CAMTA1: variants seen among roughly 807,000 people sequenced by gnomAD.
CAMTA1 encodes calmodulin binding transcription activator 1, also known as calmodulin-binding transcription activator 1.
In CAMTA1, 27 loss-of-function variants were observed where a neutral mutation model predicts 170.9. The observed-to-expected ratio is 0.16, with a 90% CI of 0.12 to 0.22. CAMTA1 has a LOEUF of 0.22. Among genes scored for constraint, CAMTA1 ranks in the 10% least tolerant of loss-of-function variants. The pLI is 1.00. For synonymous variants in CAMTA1, 833 were observed against 891.5 expected, an observed-to-expected ratio of 0.93 and a Z score of 1.17; for missense variants, 1,619 against 2,217.2, an observed-to-expected ratio of 0.73 and a Z score of 5.42.
intron 3 of CAMTA1, among the ~76,000 whole-genome samples, chr1:7,066,513 C>T (rs577473311): frequency 5.8e-4 from 88 of 152,360 alleles, no homozygotes; most frequent in African/African-American, 1.8e-3. Flanking sequence ...CTTACATTTT[C>T]GACACAGAGC....
chr1:7,678,686 G>A lies in CAMTA1; in HGVS notation c.2914+953G>A, dbSNP rs182451744. ...TGCCTGTCCATAACCTCAGTATCAG[G>A]TGAGCCCACAGAGGTGACACTCCAT... On this transcript the variant is annotated intron_variant, in intron 11 of 22. Coordinates refer to ENST00000303635, the MANE Select transcript of CAMTA1 (RefSeq NM_015215.4). Among the ~76,000 whole-genome samples, 608 of 152,312 alleles carry A rather than the reference G, an allele frequency of 4.0e-3. 3 individuals carry two copies. Among genetic ancestry groups the A allele is most frequent in the Middle Eastern group, 6.8e-3 (2 of 294 alleles).
intron 6 of CAMTA1, among the ~76,000 whole-genome samples, chr1:7,559,841 CA>C (rs1406921977): frequency 6.6e-6 from 1 of 152,176 alleles, no homozygotes; most frequent in Non-Finnish European, 1.5e-5. Flanking sequence ...TCTGGGAGGC[CA>C]GGGGAGGGGG....
intron 3 of CAMTA1, among the ~76,000 whole-genome samples, chr1:6,944,541 C>T (rs556344883): frequency 6.6e-6 from 1 of 152,258 alleles, no homozygotes; most frequent in South Asian, 2.1e-4. Context: ...AGGCTGCTCT[C>T]CTGTCCCCTC....
intron 5 of CAMTA1, among the ~76,000 whole-genome samples, chr1:7,271,625 A>C (rs1669828442): frequency 6.8e-6 from 1 of 146,718 alleles, no homozygotes; most frequent in Admixed American, 6.7e-5. Context: ...CAATACCCCC[A>C]AAACTGAGAA....
chr1:7,498,126 C>T (rs889384032), intron 6 of CAMTA1, among the ~76,000 whole-genome samples: 1 of 152,024 alleles, frequency 6.6e-6, no homozygotes. Context: ...GTCCCCTGCT[C>T]ACTAGTATGA....
chr1:7,034,192 C>T (rs1209375637), intron 3 of CAMTA1, among the ~76,000 whole-genome samples: 2 of 152,124 alleles, frequency 1.3e-5, no homozygotes, highest in East Asian at 3.9e-4. Flanking sequence ...GAGTCTCGCT[C>T]TGTTGCCCAG....
chr1:7,526,918 C>T (rs116689543), intron 6 of CAMTA1, among the ~76,000 whole-genome samples: 1 of 152,180 alleles, frequency 6.6e-6, no homozygotes, highest in African/African-American at 2.4e-5. Context: ...CATTAAGCTA[C>T]GTTATTCCTT....
chr1:7,248,448 G>C lies in CAMTA1; in HGVS notation c.303-1043G>C, dbSNP rs1400002909. Among the ~76,000 whole-genome samples, 1 of 152,226 alleles carries C rather than the reference G, an allele frequency of 6.6e-6. No homozygotes were observed. Among genetic ancestry groups the C allele is most frequent in the Non-Finnish European group, 1.5e-5 (1 of 68,028 alleles). Reference sequence around the variant, plus strand: ...GGCCTCGTGGTGCGCAGAATCGCTGGCATTCCTCTTCCCCTGCTGCACGTT... The same window carrying C: ...GGCCTCGTGGTGCGCAGAATCGCTGCCATTCCTCTTCCCCTGCTGCACGTT... On this transcript the variant is annotated intron_variant, in intron 4 of 22. Coordinates refer to ENST00000303635, the MANE Select transcript of CAMTA1 (RefSeq NM_015215.4). The surrounding 1 kb of genome is among the most constrained non-coding windows in gnomAD (Gnocchi z 4.0).
intron 3 of CAMTA1, among the ~76,000 whole-genome samples, chr1:6,998,977 C>T (rs2100586046): frequency 6.6e-6 from 1 of 152,248 alleles, no homozygotes; most frequent in East Asian, 1.9e-4. Context: ...AGTTCAATGG[C>T]ATTAAGTACA....
intron 5 of CAMTA1, among the ~76,000 whole-genome samples, chr1:7,379,744 T>C (rs1361195541): frequency 1.3e-5 from 2 of 152,234 alleles, no homozygotes; most frequent in East Asian, 1.9e-4. Context: ...ACTCCTTCAC[T>C]GTCTTTGTTT....
At chr1:7,488,725 T>C (rs2093656688) in intron 6 of CAMTA1, among the ~76,000 whole-genome samples, 1 of 152,146 alleles carries the variant, frequency 6.6e-6, no homozygotes, top group Non-Finnish European at 1.5e-5. Flanking sequence ...ATACCCATAG[T>C]ACACATAAAT....
At chr1:7,254,529 G>T (rs1232678419) in intron 5 of CAMTA1, among the ~76,000 whole-genome samples, 2 of 152,220 alleles carry the variant, frequency 1.3e-5, no homozygotes, top group Admixed American at 6.5e-5. Context: ...AAACAACGAA[G>T]AGTTTCTTTG....
In CAMTA1 at chr1:7,625,526, G is replaced by A. The variant is rs770543186; in HGVS notation, c.511-14874G>A. Among the ~76,000 whole-genome samples the A allele has an allele frequency of 4.7e-4, 72 of 152,270 alleles. 2 individuals carry two copies. Among genetic ancestry groups the A allele is most frequent in the South Asian group, 1.2e-3 (6 of 4,838 alleles). On this transcript the variant is annotated intron_variant, in intron 6 of 22. Coordinates refer to ENST00000303635, the MANE Select transcript of CAMTA1 (RefSeq NM_015215.4). Reference sequence around the variant, plus strand: ...TGTCGCATCATCTGAAGAGGAGTGAGTGGGGTTGCCAGCTCCCTGCTAGCA... The same window carrying A: ...TGTCGCATCATCTGAAGAGGAGTGAATGGGGTTGCCAGCTCCCTGCTAGCA...
chr1:6,831,883 C>T (rs548304533), intron 3 of CAMTA1, among the ~76,000 whole-genome samples: 99 of 151,768 alleles, frequency 6.5e-4, no homozygotes, highest in African/African-American at 2.4e-3. Context: ...CACACCAAAG[C>T]GTCTGCAGGA....
At chr1:7,122,643 C>CCTCAGAAAGGA (rs1275842785) in intron 4 of CAMTA1, among the ~76,000 whole-genome samples, 1 of 152,166 alleles carries the variant, frequency 6.6e-6, no homozygotes, top group East Asian at 1.9e-4. Context: ...AGGAAAGTGT[C>CCTCAGAAAGGA]TGCAGGTAAG....
chr1:7,556,921 G>A (rs2094886454), intron 6 of CAMTA1, among the ~76,000 whole-genome samples: 1 of 152,128 alleles, frequency 6.6e-6, no homozygotes, highest in African/African-American at 2.4e-5. Context: ...CTATAGAAGA[G>A]TTTCTCAAAT....
intron 6 of CAMTA1, among the ~76,000 whole-genome samples, chr1:7,472,527 G>A (rs945093892): frequency 6.6e-6 from 1 of 152,120 alleles, no homozygotes; most frequent in East Asian, 1.9e-4. Flanking sequence ...AACCATCGCT[G>A]CCCTCCGCTG....
chr1:7,150,396 AG>A (rs952625243), intron 4 of CAMTA1, among the ~76,000 whole-genome samples: 6 of 152,166 alleles, frequency 3.9e-5, no homozygotes, highest in African/African-American at 1.4e-4. Context: ...CCTCCATCAG[AG>A]CGGGGGCAAG....
At chr1:7,611,600 C>T (rs1241205726) in intron 6 of CAMTA1, among the ~76,000 whole-genome samples, 4 of 152,212 alleles carry the variant, frequency 2.6e-5, no homozygotes, top group Non-Finnish European at 5.9e-5. Flanking sequence ...GCCACCTGGG[C>T]TGCTGGGGGG....
Sources: allele counts gnomAD v4.1 joint callset (sites outside exome capture counted in the v4.1 genomes callset), GRCh38; gene constraint gnomAD v4.1.1; non-coding constraint Gnocchi (gnomAD v3.1); transcripts MANE v1.5; gene names NCBI Gene and HGNC (gene_info 2026-07-23, HGNC 2026-07-21).